The following MOB1A variants were observed in gnomAD, a reference collection of about 807,000 sequenced individuals.
The protein encoded by MOB1A is MOB1 Mps One Binder homolog A.
Under a neutral mutation model 25.1 loss-of-function variants are expected in MOB1A, and 10 were observed. The observed-to-expected ratio is 0.40, with a 90% CI of 0.25 to 0.68. The LOEUF (loss-of-function observed/expected upper bound fraction) is 0.68. Among genes scored for constraint, MOB1A ranks in the 30% least tolerant of loss-of-function variants. The pLI is 0.40. For synonymous variants in MOB1A, 81 were observed against 79.5 expected, an observed-to-expected ratio of 1.02 and a Z score of -0.10; for missense variants, 177 against 256.3, an observed-to-expected ratio of 0.69 and a Z score of 2.11.
intron 1 of MOB1A, among the ~76,000 whole-genome samples, chr2:74,174,723 A>T (rs1693401755): frequency 6.6e-6 from 1 of 152,220 alleles, no homozygotes; most frequent in Admixed American, 6.5e-5. Context: ...TAACAGAGCA[A>T]AAAGACAAGT....
At chr2:74,164,492 T>G (rs1414800195) in intron 4 of MOB1A, 1 of 146,616 alleles carries the variant, frequency 6.8e-6, no homozygotes, top group Non-Finnish European at 1.5e-5. Flanking sequence ...CACTCCAGCC[T>G]GGGCAACAGA....
At chr2:74,178,463 TC>T in intron 1 of MOB1A, 197 bp downstream of exon 1, 1 of 381,238 alleles carries the variant, frequency 2.6e-6, no homozygotes, top group Non-Finnish European at 4.6e-6. Flanking sequence ...ACGCTCCGTT[TC>T]CTTTACTTCG....
chr2:74,174,883 T>TGA (rs1693405499), intron 1 of MOB1A, among the ~76,000 whole-genome samples: 1 of 152,208 alleles, frequency 6.6e-6, no homozygotes, highest in Non-Finnish European at 1.5e-5. Context: ...TCAATGAGCA[T>TGA]GAGAAAAACT....
At chr2:74,178,531 G>T in intron 1 of MOB1A, 130 bp downstream of exon 1, 1 of 582,564 alleles carries the variant, frequency 1.7e-6, no homozygotes. Context: ...GACCCGAACA[G>T]AGGCAAAACA....
In MOB1A at chr2:74,173,966, A is replaced by G. The variant is rs867980216; in HGVS notation, c.15-1214T>C. 6.6e-3 allele frequency among the ~76,000 whole-genome samples: 885 copies of G among 134,260 alleles called. 3 individuals are homozygous for G. Among genetic ancestry groups the G allele is most frequent in the Middle Eastern group, 0.016 (3 of 184 alleles). 88.1% of individuals were successfully genotyped at this position (134,260 alleles called of 152,430 possible). On this transcript the variant is annotated intron_variant, in intron 1 of 5. Transcript: ENST00000396049. ...TCCGTCTCAAAAAAAAAAAAAAAAAAAAAGAAAATGATGGGGCCATGGCTA... is the reference window on the plus strand; with the variant it reads ...TCCGTCTCAAAAAAAAAAAAAAAAAGAAAGAAAATGATGGGGCCATGGCTA...
intron 4 of MOB1A, among the ~76,000 whole-genome samples, chr2:74,162,091 T>G (rs1256637671): frequency 6.6e-6 from 1 of 152,226 alleles, no homozygotes; most frequent in African/African-American, 2.4e-5. Context: ...TGTCTGAGAC[T>G]AAATAACTGG....
intron 5 of MOB1A, 32 bp downstream of exon 5, chr2:74,159,059 C>A: frequency 6.2e-7 from 1 of 1,609,834 alleles, no homozygotes; most frequent in Non-Finnish European, 8.5e-7. Flanking sequence ...GTCCAAGTCA[C>A]AGGACACAGA....
At chr2:74,175,501 A>C (rs2103748739) in intron 1 of MOB1A, among the ~76,000 whole-genome samples, 1 of 152,348 alleles carries the variant, frequency 6.6e-6, no homozygotes, top group East Asian at 1.9e-4. Flanking sequence ...TACTGGTGAA[A>C]GTATAAAGTG....
chr2:74,175,351 T>C (rs942547261), intron 1 of MOB1A, among the ~76,000 whole-genome samples: 1 of 152,206 alleles, frequency 6.6e-6, no homozygotes, highest in Non-Finnish European at 1.5e-5. Flanking sequence ...GCACAATCAA[T>C]GTAATGCATT....
At chr2:74,177,424 C>A (rs1693506867) in intron 1 of MOB1A, among the ~76,000 whole-genome samples, 1 of 152,108 alleles carries the variant, frequency 6.6e-6, no homozygotes, top group Non-Finnish European at 1.5e-5. Context: ...AATTAAATAT[C>A]AACTCGTAAG....
At chr2:74,157,928 T>C (rs948826744) in intron 5 of MOB1A, among the ~76,000 whole-genome samples, 32 of 152,066 alleles carry the variant, frequency 2.1e-4, no homozygotes, top group African/African-American at 7.2e-4. Context: ...ATGCCTGTAA[T>C]CCCAGCATTT....
At chr2:74,169,852 C>A (rs975930356) in intron 2 of MOB1A, among the ~76,000 whole-genome samples, 2 of 152,094 alleles carry the variant, frequency 1.3e-5, no homozygotes, top group Admixed American at 6.6e-5. Context: ...TGGTCTCGAA[C>A]TCCTGACCTC....
At chr2:74,161,008 A>G (rs1692953252) in intron 4 of MOB1A, among the ~76,000 whole-genome samples, 1 of 151,712 alleles carries the variant, frequency 6.6e-6, no homozygotes, top group Non-Finnish European at 1.5e-5. Flanking sequence ...GCAGTGAGCC[A>G]AGATTGCCGC....
At chr2:74,176,255 A>G (rs375430690) in intron 1 of MOB1A, among the ~76,000 whole-genome samples, 94 of 112,014 alleles carry the variant, frequency 8.4e-4, no homozygotes, top group East Asian at 6.0e-3. Context: ...CAGCCTAGGC[A>G]ACAGAGTGAG....
intron 2 of MOB1A, among the ~76,000 whole-genome samples, chr2:74,171,303 AAAAAAAT>A (rs1431768637): frequency 2.6e-5 from 4 of 151,982 alleles, no homozygotes; most frequent in African/African-American, 7.3e-5. Context: ...ATAAAATAAA[AAAAAAAT>A]AAAAAATAAA....
Position 74,178,743 on chromosome 2 carries a change from A to C in MOB1A, c.-69T>G. ...TGGATCAGGATTCGGAGCTGGCTAG[A>C]GGGAGCGGACCGTCCTTAGCTCACG... On this transcript the variant is annotated 5_prime_UTR_variant, in exon 1 of 6. Transcript: ENST00000396049. The C allele has an allele frequency of 1.5e-6, 1 of 673,574 alleles. No individual in the cohort carries two copies. Among genetic ancestry groups the C allele is most frequent in the Non-Finnish European group, 2.0e-6 (1 of 497,678 alleles). The allele number at this position is 673,574 out of a possible 1,614,324, so 41.7% of individuals were successfully genotyped here.
intron 2 of MOB1A, among the ~76,000 whole-genome samples, chr2:74,170,692 G>A (rs553729949): frequency 4.9e-5 from 7 of 143,254 alleles, no homozygotes; most frequent in East Asian, 2.1e-4. Context: ...CTGAGATCGC[G>A]CCAGCCTGTG....
chr2:74,159,996 T>C (rs886727631), intron 4 of MOB1A, among the ~76,000 whole-genome samples: 1 of 152,106 alleles, frequency 6.6e-6, no homozygotes, highest in African/African-American at 2.4e-5. Context: ...TTTGTATTTT[T>C]AGTACAGATG....
At chr2:74,163,616 G>GA (rs1693041692) in intron 4 of MOB1A, among the ~76,000 whole-genome samples, 1 of 151,892 alleles carries the variant, frequency 6.6e-6, no homozygotes, top group Non-Finnish European at 1.5e-5. Context: ...CCAGGCTGGG[G>GA]AACAGAGTGA....
Sources: allele counts gnomAD v4.1 joint callset (sites outside exome capture counted in the v4.1 genomes callset), GRCh38; gene constraint gnomAD v4.1.1; transcripts MANE v1.5; gene names NCBI Gene and HGNC (gene_info 2026-07-23, HGNC 2026-07-21).